RARB: variants seen among roughly 807,000 people sequenced by gnomAD.
The protein encoded by RARB is HBV-activated protein.
RARB carries 17 observed loss-of-function variants against 51.9 expected under a neutral mutation model. The observed-to-expected ratio is 0.33, with a 90% confidence interval of 0.22 to 0.49. RARB has a LOEUF of 0.49. Among genes scored for constraint, RARB ranks in the 20% least tolerant of loss-of-function variants. The probability of loss-of-function intolerance (pLI) is 0.99; values close to 1 mark genes in which losing one functional copy is unlikely to be tolerated. For missense variants in RARB, 369 were observed against 550.8 expected (o/e 0.67, Z 3.30); for synonymous variants, 215 against 195.4 (o/e 1.10, Z -0.84).
At chr3:25,171,922 G>T (rs773615196) in intron 4 of RARB, among the ~76,000 whole-genome samples, 5 of 150,494 alleles carry the variant, frequency 3.3e-5, no homozygotes, top group Non-Finnish European at 7.5e-5. Flanking sequence ...TGAAGAAAAA[G>T]CACCAAAATC....
At chr3:24,849,498 G>C (rs1336626233) in intron 1 of RARB, among the ~76,000 whole-genome samples, 2 of 150,634 alleles carry the variant, frequency 1.3e-5, no homozygotes, top group African/African-American at 5.0e-5. Flanking sequence ...GTGAGCCTCT[G>C]GTTACAACAT....
chr3:25,003,368 T>A, intron 2 of RARB, among the ~76,000 whole-genome samples: 1 of 152,068 alleles, frequency 6.6e-6, no homozygotes, highest in East Asian at 1.9e-4. Flanking sequence ...AAGTTATTAA[T>A]TTGCACTGAA....
chr3:25,422,696 TAATGCATTCTA>T (rs980817796), intron 5 of RARB, among the ~76,000 whole-genome samples: 4 of 151,958 alleles, frequency 2.6e-5, no homozygotes, highest in African/African-American at 9.7e-5. Flanking sequence ...TGAAGTAATA[TAATGCATTCTA>T]GATGAATAAT....
chr3:24,955,513 G>C (rs1324265478), intron 2 of RARB, among the ~76,000 whole-genome samples: 1 of 152,168 alleles, frequency 6.6e-6, no homozygotes, highest in East Asian at 1.9e-4. Flanking sequence ...CCTCCCTCCT[G>C]TCCATATCAA....
intron 3 of RARB, among the ~76,000 whole-genome samples, chr3:25,518,763 T>C (rs184575671): frequency 5.6e-4 from 85 of 152,294 alleles, no homozygotes; most frequent in Non-Finnish European, 4.6e-4. Flanking sequence ...AGAAATCAAC[T>C]TTTTATTTTA....
chr3:25,135,411 A>G (rs1357474240), intron 4 of RARB, among the ~76,000 whole-genome samples: 2 of 151,964 alleles, frequency 1.3e-5, no homozygotes, highest in East Asian at 3.8e-4. Context: ...TTACCTGGAT[A>G]TCTGATATTT....
At chr3:25,413,422 C>A (rs1341067034) in intron 5 of RARB, among the ~76,000 whole-genome samples, 1 of 152,018 alleles carries the variant, frequency 6.6e-6, no homozygotes, top group African/African-American at 2.4e-5. Context: ...ATGATTAGTA[C>A]AATTATGATT....
In RARB at chr3:25,236,124, A is replaced by G. The variant is rs143046379; in HGVS notation, c.178+61549A>G. Among the ~76,000 whole-genome samples, 803 of 152,226 alleles carry G rather than the reference A, an allele frequency of 5.3e-3. 11 individuals are homozygous for G. The highest frequency in any genetic ancestry group is 0.019 in the African/African-American group (782 of 41,552). Reference sequence around the variant, plus strand: ...AAATATTCATATTTCTGATTCATTCATGATGTAGTTATAGCTCATTGTATA... The same window carrying G: ...AAATATTCATATTTCTGATTCATTCGTGATGTAGTTATAGCTCATTGTATA... On this transcript the variant is annotated intron_variant, in intron 5 of 11. Coordinates refer to the RARB transcript ENST00000383772.
chr3:25,235,283 T>C (rs1333475017), intron 5 of RARB, among the ~76,000 whole-genome samples: 2 of 152,166 alleles, frequency 1.3e-5, no homozygotes, highest in African/African-American at 4.8e-5. Flanking sequence ...TGGTTTCTAG[T>C]GGATTTACCC....
chr3:24,984,802 A>T (rs542143815), intron 2 of RARB, among the ~76,000 whole-genome samples: 3 of 152,216 alleles, frequency 2.0e-5, no homozygotes, highest in Non-Finnish European at 2.9e-5. Flanking sequence ...TACTGTAGTA[A>T]TCATTTCACT....
chr3:24,922,432 T>C (rs1238528423), intron 2 of RARB, among the ~76,000 whole-genome samples: 1 of 152,222 alleles, frequency 6.6e-6, no homozygotes, highest in Admixed American at 6.5e-5. Context: ...GTGCTGAGCA[T>C]GTATCAAATC....
At chr3:24,873,682 T>C (rs188109321) in intron 2 of RARB, among the ~76,000 whole-genome samples, 20 of 152,000 alleles carry the variant, frequency 1.3e-4, no homozygotes, top group South Asian at 6.2e-4. Context: ...TTTCTAGATA[T>C]ACATATAATT....
chr3:25,136,812 G>A (rs1254582582), intron 4 of RARB, among the ~76,000 whole-genome samples: 1 of 151,964 alleles, frequency 6.6e-6, no homozygotes, highest in East Asian at 1.9e-4. Context: ...TGGCTTAGAA[G>A]TTGAGTTCAG....
At chr3:25,505,818 A>G (rs1697554894) in intron 3 of RARB, among the ~76,000 whole-genome samples, 1 of 152,200 alleles carries the variant, frequency 6.6e-6, no homozygotes, top group African/African-American at 2.4e-5. Context: ...CAGAAGAGGA[A>G]AGCATGTGGC....
intron 5 of RARB, among the ~76,000 whole-genome samples, chr3:25,232,170 C>G (rs1376933250): frequency 3.3e-5 from 5 of 152,062 alleles, no homozygotes. Context: ...TTTCTGGAAT[C>G]TCTCTTCTGT....
At chr3:24,957,822 G>C (rs1456694333) in intron 2 of RARB, among the ~76,000 whole-genome samples, 1 of 152,044 alleles carries the variant, frequency 6.6e-6, no homozygotes, top group African/African-American at 2.4e-5. Context: ...GGTAGGCAGG[G>C]CAAAAAGTGA....
chr3:25,124,861 C>A (rs116698427), intron 3 of RARB, among the ~76,000 whole-genome samples: 2,053 of 152,204 alleles, frequency 0.013, 37 homozygotes, highest in African/African-American at 0.045. Context: ...TTCTATGTTC[C>A]TTATGTATTT....
intron 4 of RARB, among the ~76,000 whole-genome samples, chr3:25,173,146 C>T (rs181569993): frequency 1.5e-4 from 23 of 152,314 alleles, no homozygotes; most frequent in Non-Finnish European, 3.2e-4. Context: ...ATGAAGTTTA[C>T]AGCCAGCCCA....
At chr3:25,520,722 A>G (rs1039156845) in intron 3 of RARB, among the ~76,000 whole-genome samples, 4 of 152,190 alleles carry the variant, frequency 2.6e-5, no homozygotes, top group Non-Finnish European at 5.9e-5. Flanking sequence ...ACAGTCATGT[A>G]TCATATAAAA....
Sources: allele counts gnomAD v4.1 joint callset (sites outside exome capture counted in the v4.1 genomes callset), GRCh38; gene constraint gnomAD v4.1.1; transcripts MANE v1.5; gene names NCBI Gene and HGNC (gene_info 2026-07-23, HGNC 2026-07-21).